Variants in ADAM7 observed in about 807,000 individuals in gnomAD.
ADAM7 encodes the protein disintegrin and metalloproteinase domain-containing protein 7.
Under a neutral mutation model 102.9 loss-of-function variants are expected in ADAM7, and 97 were observed. That is an observed-to-expected ratio of 0.94 (90% CI 0.80 to 1.12). The LOEUF is 1.12. Ranked by LOEUF, ADAM7 falls within the 50% of genes most tolerant of loss-of-function variation. ADAM7 has a pLI of 0.00. For missense variants in ADAM7, 991 were observed against 908.7 expected (o/e 1.09, Z -1.16); for synonymous variants, 334 against 304.4 (o/e 1.10, Z -1.01).
rs1402597540 is a variant in ADAM7 at position 24,463,898 on chromosome 8, A to G, written c.250A>G (p.Asn84Asp). 6.2e-7 allele frequency: 1 copy of G among 1,613,670 alleles called. No individual in the cohort carries two copies. The highest frequency in any genetic ancestry group is 1.3e-5 in the African/African-American group (1 of 74,896). Residue 84 changes from asparagine to aspartate, a missense_variant, in exon 4 of 22, where the codon AAT becomes GAT. Coordinates refer to ENST00000175238, the MANE Select transcript of ADAM7 (RefSeq NM_003817.4). Reference sequence around the variant, plus strand: ...CTTTTTCAGGGAGTTCCTAGGCTCAAATTACAGTGAAACATTCTACTCCAT... The same window carrying G: ...CTTTTTCAGGGAGTTCCTAGGCTCAGATTACAGTGAAACATTCTACTCCAT... ...LLRSREFLGS[N>D]YSETFYSMKG...
At chr8:24,505,987 C>T (rs553081669) in intron 20 of ADAM7, 82 of 846,560 alleles carry the variant, frequency 9.7e-5, no homozygotes, top group Non-Finnish European at 1.4e-4. Context: ...GAGATAGACT[C>T]ATATGTTGTA....
intron 20 of ADAM7, among the ~76,000 whole-genome samples, chr8:24,507,257 T>C (rs1252018122): frequency 1.3e-5 from 2 of 152,150 alleles, no homozygotes; most frequent in African/African-American, 4.8e-5. Context: ...GATACAACTT[T>C]GCTTAACCAA....
chr8:24,453,699 T>C (rs1251972413), intron 3 of ADAM7, among the ~76,000 whole-genome samples: 2 of 152,240 alleles, frequency 1.3e-5, no homozygotes, highest in Non-Finnish European at 2.9e-5. Context: ...GGTGAGGAAC[T>C]GCGTTCCTTT....
At chr8:24,507,876 T>C (rs1331924421) in intron 21 of ADAM7, among the ~76,000 whole-genome samples, 1 of 152,136 alleles carries the variant, frequency 6.6e-6, no homozygotes, top group East Asian at 1.9e-4. Context: ...TTTCTTCAAG[T>C]ATGTTAAAAG....
intron 17 of ADAM7, 61 bp downstream of exon 17, chr8:24,499,377 A>G: frequency 7.7e-7 from 1 of 1,303,760 alleles, no homozygotes; most frequent in Non-Finnish European, 1.1e-6. Context: ...TTTATTCCCC[A>G]GCCTATATGT....
chr8:24,443,061 T>C (rs759045263), intron 2 of ADAM7, among the ~76,000 whole-genome samples: 35 of 152,328 alleles, frequency 2.3e-4, no homozygotes, highest in Non-Finnish European at 4.9e-4. Context: ...AAGTAACGAA[T>C]GCTTATTATA....
chr8:24,450,897 A>G (rs1035207806), intron 3 of ADAM7, among the ~76,000 whole-genome samples: 2 of 152,178 alleles, frequency 1.3e-5, no homozygotes, highest in African/African-American at 2.4e-5. Flanking sequence ...TTCTGCATCT[A>G]TTGAGATAAT....
chr8:24,487,876 A>G (rs185125026), intron 11 of ADAM7, among the ~76,000 whole-genome samples: 1 of 152,260 alleles, frequency 6.6e-6, no homozygotes, highest in Non-Finnish European at 1.5e-5. Flanking sequence ...GTACACCATG[A>G]ACAATTAGTA....
At chr8:24,462,695 G>A (rs1284674508) in intron 3 of ADAM7, among the ~76,000 whole-genome samples, 2 of 152,166 alleles carry the variant, frequency 1.3e-5, no homozygotes, top group East Asian at 3.8e-4. Flanking sequence ...TTCAGCCATA[G>A]GAGGAATGAA....
intron 7 of ADAM7, among the ~76,000 whole-genome samples, chr8:24,469,934 A>G (rs906225924): frequency 1.3e-5 from 2 of 152,152 alleles, no homozygotes; most frequent in African/African-American, 4.8e-5. Flanking sequence ...AAAAGTTGGA[A>G]ACTGTAAAAG....
At position 24,448,899 on chromosome 8, in the gene ADAM7, G is replaced by A. The variant is rs186982383; in HGVS notation, c.233+1637G>A. 3.6e-3 allele frequency among the ~76,000 whole-genome samples: 542 copies of A among 152,038 alleles called. 4 individuals carry two copies. Among genetic ancestry groups the A allele is most frequent in the African/African-American group, 0.012 (511 of 41,456 alleles). ...TTCCCACCTGTGAGTGAGAATATGCGGTGTTTGCATTTTTGTTCTTGCGAT... is the reference window on the plus strand; with the variant it reads ...TTCCCACCTGTGAGTGAGAATATGCAGTGTTTGCATTTTTGTTCTTGCGAT... On this transcript the variant is annotated intron_variant, in intron 3 of 21. Transcript: ENST00000175238.
In ADAM7 at chr8:24,451,500, C is replaced by G. The variant is rs368944397; in HGVS notation, c.233+4238C>G. ...TCTTTGGGATCGGTGGTGATAACCCCTTTATCATTTTTTATTGCGTCTATT... is the reference window on the plus strand; with the variant it reads ...TCTTTGGGATCGGTGGTGATAACCCGTTTATCATTTTTTATTGCGTCTATT... On this transcript the variant is annotated intron_variant, in intron 3 of 21. Coordinates refer to ENST00000175238, the MANE Select transcript of ADAM7 (RefSeq NM_003817.4). 4.6e-4 allele frequency among the ~76,000 whole-genome samples: 70 copies of G among 152,268 alleles called. 1 individual carries two copies. In the East Asian group the frequency reaches 0.013, roughly 29 times the overall value.
At chr8:24,483,212 AG>A in intron 9 of ADAM7, among the ~76,000 whole-genome samples, 1 of 152,180 alleles carries the variant, frequency 6.6e-6, no homozygotes, top group Non-Finnish European at 1.5e-5. Flanking sequence ...TTGTTATTCA[AG>A]ATACCTAGCG....
chr8:24,499,366 C>A (rs1210579320), intron 17 of ADAM7, 50 bp downstream of exon 17: 5 of 1,418,416 alleles, frequency 3.5e-6, no homozygotes, highest in Non-Finnish European at 4.9e-6. Context: ...CATATATTTA[C>A]TTTATTCCCC....
chr8:24,479,556 G>T (rs949966963), intron 8 of ADAM7, among the ~76,000 whole-genome samples: 16 of 152,056 alleles, frequency 1.1e-4, no homozygotes, highest in Admixed American at 3.9e-4. Flanking sequence ...ACTCCACTGA[G>T]GGAGCCATCT....
At chr8:24,462,048 T>C (rs1585871439) in intron 3 of ADAM7, among the ~76,000 whole-genome samples, 1 of 152,238 alleles carries the variant, frequency 6.6e-6, no homozygotes, top group African/African-American at 2.4e-5. Context: ...AAATTTGAAT[T>C]ATGAACTGAA....
Position 24,476,427 on chromosome 8 carries a change from T to G in ADAM7, c.634-6T>G, listed in dbSNP as rs757007216. ...ATGAATATTAATATGATATTTATAT[T>G]TCCAGTATCGCAGAAATGGTCATCC... On this transcript the variant is annotated splice_region_variant and splice_polypyrimidine_tract_variant and intron_variant, in intron 7 of 21. Coordinates refer to ENST00000175238, the MANE Select transcript of ADAM7 (RefSeq NM_003817.4). 1 of 1,590,636 alleles carries G rather than the reference T, an allele frequency of 6.3e-7. No individual in the cohort carries two copies. The highest frequency in any genetic ancestry group is 8.6e-7 in the Non-Finnish European group (1 of 1,163,094).
intron 3 of ADAM7, among the ~76,000 whole-genome samples, chr8:24,451,302 CT>C (rs1818779215): frequency 6.6e-6 from 1 of 152,084 alleles, no homozygotes; most frequent in Admixed American, 6.6e-5. Context: ...GGTTGGTAAG[CT>C]ATTGATTATT....
In ADAM7 at chr8:24,482,176, T is replaced by C. The variant is rs749745197; in HGVS notation, c.740T>C (p.Val247Ala). ...YKTLNIHVTL[V>A]GIEIWTHEDK... ...ACCTTAAACATCCATGTGACGTTGG[T>C]TGGCATTGAAATATGGACACATGAA... The change falls in exon 9 of 22, where the codon GTT becomes GCT. Residue 247 changes from valine to alanine, a missense_variant. Transcript: ENST00000175238. 3 of 1,595,194 alleles carry C rather than the reference T, an allele frequency of 1.9e-6. No individual in the cohort carries two copies. The highest frequency in any genetic ancestry group is 1.2e-5 in the South Asian group (1 of 86,258).
Sources: allele counts gnomAD v4.1 joint callset (sites outside exome capture counted in the v4.1 genomes callset), GRCh38; gene constraint gnomAD v4.1.1; transcripts MANE v1.5; gene names NCBI Gene and HGNC (gene_info 2026-07-23, HGNC 2026-07-21).